Variants in GLS observed in about 807,000 individuals in gnomAD.
GLS encodes the protein glutaminase, also known as glutaminase kidney isoform, mitochondrial.
Under a neutral mutation model 86.7 loss-of-function variants are expected in GLS, and 36 were observed. The ratio of observed to expected loss-of-function variants is 0.42; its 90% CI spans 0.32 to 0.55. The LOEUF (loss-of-function observed/expected upper bound fraction) is 0.55. Among genes scored for constraint, GLS ranks in the 20% least tolerant of loss-of-function variants. GLS has a pLI of 0.17. For missense variants in GLS, 528 were observed against 833.4 expected, an observed-to-expected ratio of 0.63 and a Z score of 4.51; for synonymous variants, 317 against 305.9, an observed-to-expected ratio of 1.04 and a Z score of -0.38.
At chr2:190,929,760 G>A (rs188847336) in intron 12 of GLS, among the ~76,000 whole-genome samples, 29 of 151,914 alleles carry the variant, frequency 1.9e-4, no homozygotes, top group African/African-American at 5.5e-4. Flanking sequence ...ATGAGCCACC[G>A]CACCCGGCCT....
At chr2:190,936,366 T>C (rs1373176043) in intron 14 of GLS, among the ~76,000 whole-genome samples, 1 of 151,202 alleles carries the variant, frequency 6.6e-6, no homozygotes, top group Non-Finnish European at 1.5e-5. Context: ...CGTTTGTGCA[T>C]ACATATATAT....
chr2:190,929,999 T>A (rs1210550944), intron 12 of GLS, among the ~76,000 whole-genome samples: 1 of 151,922 alleles, frequency 6.6e-6, no homozygotes, highest in Non-Finnish European at 1.5e-5. Flanking sequence ...GCGTGCACTT[T>A]GGGAGGCTGA....
In GLS at chr2:190,921,236, A is replaced by G. The variant is rs935580202; in HGVS notation, c.1130+33A>G. 1 of 1,336,484 alleles carries G rather than the reference A, an allele frequency of 7.5e-7. No individual in the cohort carries two copies. Among genetic ancestry groups the G allele is most frequent in the African/African-American group, 1.4e-5 (1 of 69,574 alleles). 82.8% of individuals were successfully genotyped at this position (1,336,484 alleles called of 1,614,324 possible). A position where few individuals can be genotyped will look rare whatever the true frequency, so the allele number is the denominator to read the frequency against. ...TTTTAAATACTGTTTTGTTACGTAAAAACACACAACTGTATTTAGAATTGA... is the reference window on the plus strand; with the variant it reads ...TTTTAAATACTGTTTTGTTACGTAAGAACACACAACTGTATTTAGAATTGA... On this transcript the variant is annotated intron_variant, in intron 9 of 17. Transcript: ENST00000320717. The surrounding 1 kb of genome is among the most constrained non-coding windows in gnomAD (Gnocchi z 4.2).
chr2:190,941,931 A>G (rs1574613701), intron 14 of GLS, among the ~76,000 whole-genome samples: 1 of 152,058 alleles, frequency 6.6e-6, no homozygotes, highest in Non-Finnish European at 1.5e-5. Flanking sequence ...AAAAATCTAA[A>G]TGTTTAATGT....
intron 14 of GLS, chr2:190,933,273 G>A: frequency 5.5e-6 from 5 of 910,894 alleles, no homozygotes; most frequent in South Asian, 5.1e-5. Flanking sequence ...TAAAACTAAT[G>A]TGATGTCTTT....
intron 7 of GLS, among the ~76,000 whole-genome samples, chr2:190,917,914 T>G (rs1689594492): frequency 6.6e-6 from 1 of 152,086 alleles, no homozygotes; most frequent in Non-Finnish European, 1.5e-5. Context: ...ATAGTGAGAC[T>G]CCCATCTCTA....
chr2:190,934,077 C>T (rs1347573093), intron 14 of GLS: 1 of 974,920 alleles, frequency 1.0e-6, no homozygotes, highest in African/African-American at 1.8e-5. Context: ...TTCCTTCTTC[C>T]ATATACTTCT....
rs1335842080 is a variant in GLS at position 190,962,859 on chromosome 2, T to G, written c.1883T>G (p.Leu628Arg). ...RWNNTPMDEA[L>R]HFGHHDVFKI... is the part of the protein sequence containing the mutation. Reference sequence around the variant, plus strand: ...AATAACACTCCCATGGATGAAGCACTGCACTTTGGACACCATGATGTATTT... The same window carrying G: ...AATAACACTCCCATGGATGAAGCACGGCACTTTGGACACCATGATGTATTT... The change falls in exon 18 of 18, where the codon CTG (leucine) becomes CGG (arginine). Residue 628 changes from leucine to arginine, a missense_variant. Leu to Arg is a moderately radical substitution (Grantham distance 102). Around this residue, in one of 4 missense-constraint regions of GLS, gnomAD observed 163 missense variants for 429.2 expected, o/e 0.38. Coordinates refer to ENST00000320717, the MANE Select transcript of GLS (RefSeq NM_014905.5). This position sits in a 1 kb window ranked among gnomAD's most constrained non-coding sequence, Gnocchi z 4.2. 4.4e-6 allele frequency: 7 copies of G among 1,584,356 alleles called. No individual in the cohort carries two copies. Among genetic ancestry groups the G allele is most frequent in the Non-Finnish European group, 6.0e-6 (7 of 1,169,522 alleles).
rs1194609589 is a variant in GLS at position 190,913,287 on chromosome 2, G to A, written c.1038+2966G>A. On this transcript the variant is annotated intron_variant, in intron 7 of 17. Transcript: ENST00000320717. The surrounding 1 kb of genome is among the most constrained non-coding windows in gnomAD (Gnocchi z 6.1). ...GAAAAAAGGAGAATTTGGACAGAAG[G>A]AGCCTGTTGCATAAATTCTTAACTA... 7.8e-7 allele frequency: 1 copy of A among 1,285,942 alleles called. No homozygotes were observed. Among genetic ancestry groups the A allele is most frequent in the South Asian group, 1.3e-5 (1 of 78,092 alleles). 79.7% of individuals were successfully genotyped at this position (1,285,942 alleles called of 1,614,324 possible). A position where few individuals can be genotyped will look rare whatever the true frequency, so the allele number is the denominator to read the frequency against.
chr2:190,886,120 T>G (rs1223212380), intron 1 of GLS, among the ~76,000 whole-genome samples: 2 of 152,130 alleles, frequency 1.3e-5, no homozygotes, highest in South Asian at 2.1e-4. Flanking sequence ...ATACGCCTGC[T>G]TCGGCCTCCC....
At chr2:190,889,249 A>C (rs1376115057) in intron 1 of GLS, among the ~76,000 whole-genome samples, 1 of 152,240 alleles carries the variant, frequency 6.6e-6, no homozygotes, top group East Asian at 1.9e-4. Flanking sequence ...ATTAGCAGCA[A>C]ACTAATTCAA....
intron 6 of GLS, among the ~76,000 whole-genome samples, chr2:190,908,533 A>G (rs181929360): frequency 1.2e-4 from 18 of 152,322 alleles, no homozygotes; most frequent in Admixed American, 9.1e-4. Context: ...ACACGCTCTG[A>G]TATTTCGTTA....
In GLS at chr2:190,930,122, A is replaced by C. The variant is rs1416366357; in HGVS notation, c.1426-315A>C. On this transcript the variant is annotated intron_variant, in intron 12 of 17. Transcript: ENST00000320717. This position sits in a 1 kb window ranked among gnomAD's most constrained non-coding sequence, Gnocchi z 5.0. The stretch of plus-strand genomic sequence containing the variant: ...TGCTCTGTCATCCAGGCTGGAGTGC[A>C]GTGGTGCGATCATGGCTCACTGTAG... 6.7e-6 allele frequency among the ~76,000 whole-genome samples: 1 copy of C among 150,332 alleles called. No homozygotes were observed. The highest frequency in any genetic ancestry group is 2.0e-4 in the East Asian group (1 of 5,112).
At chr2:190,961,702 T>G (rs946193302) in intron 17 of GLS, among the ~76,000 whole-genome samples, 2 of 151,866 alleles carry the variant, frequency 1.3e-5, no homozygotes, top group African/African-American at 4.8e-5. Context: ...TTTTTTTTTT[T>G]TTTGATAAAT....
intron 1 of GLS, among the ~76,000 whole-genome samples, chr2:190,883,140 G>A (rs1460489007): frequency 6.6e-6 from 1 of 152,076 alleles, no homozygotes; most frequent in East Asian, 1.9e-4. Context: ...CTTCTTCTGT[G>A]ATTCACTTGT....
chr2:190,887,715 T>C (rs1285099806), intron 1 of GLS, among the ~76,000 whole-genome samples: 1 of 152,092 alleles, frequency 6.6e-6, no homozygotes, highest in African/African-American at 2.4e-5. Flanking sequence ...TAAACTGAAG[T>C]GTTAGAAAGA....
Position 190,935,021 on chromosome 2 carries a change from TATTG to T in GLS, c.1650+3388_1650+3391del, listed in dbSNP as rs1175252265. On this transcript the variant is annotated intron_variant, in intron 14 of 17. Coordinates refer to ENST00000320717, the MANE Select transcript of GLS (RefSeq NM_014905.5). This position sits in a 1 kb window ranked among gnomAD's most constrained non-coding sequence, Gnocchi z 4.2. Reference sequence around the variant, plus strand: ...TATTATTGGGTTTGTTTTATGCCATTATTGATTCTTGATATTCAAGCATTTACAA... The same window carrying T: ...TATTATTGGGTTTGTTTTATGCCATTATTCTTGATATTCAAGCATTTACAA... The T allele has an allele frequency of 3.2e-6, 3 of 950,390 alleles. No individual in the cohort carries two copies. The highest frequency in any genetic ancestry group is 6.2e-5 in the Admixed American group (1 of 16,152). The allele number at this position is 950,390 out of a possible 1,614,324, so 58.9% of individuals were successfully genotyped here.
chr2:190,912,365 T>A (rs1372650742), intron 7 of GLS, among the ~76,000 whole-genome samples: 11 of 142,822 alleles, frequency 7.7e-5, no homozygotes, highest in South Asian at 2.3e-4. Flanking sequence ...TTTTTTTTTT[T>A]ATGAAGTTCA....
rs143912030 is a variant in GLS, at chr2:190,931,716, T to C, written c.1650+79T>C. On this transcript the variant is annotated intron_variant, in intron 14 of 17. Transcript: ENST00000320717. ...GTGAGATTTGCCTGTATAAATAAAA[T>C]CTTAGTTTGTTAGTGGCCTCGGGTC... 4 of 666,418 alleles carry C rather than the reference T, an allele frequency of 6.0e-6. No homozygotes were observed. The East Asian group carries it at 8.4e-5, about 14-fold the overall frequency. The allele number at this position is 666,418 out of a possible 1,614,324, so 41.3% of individuals were successfully genotyped here.
Sources: allele counts gnomAD v4.1 joint callset (sites outside exome capture counted in the v4.1 genomes callset), GRCh38; gene constraint gnomAD v4.1.1; regional missense constraint gnomAD v4.1.1; non-coding constraint Gnocchi (gnomAD v3.1); transcripts MANE v1.5; gene names NCBI Gene and HGNC (gene_info 2026-07-23, HGNC 2026-07-21).